Variants in FHIP1A observed in about 807,000 individuals in gnomAD.
FHIP1A encodes the protein FHF complex subunit HOOK interacting protein 1A.
In FHIP1A, 61 loss-of-function variants were observed where a neutral mutation model predicts 88.6. The ratio of observed to expected loss-of-function variants is 0.69; its 90% CI spans 0.56 to 0.85. The LOEUF is 0.85. FHIP1A is among the 40% of genes least tolerant of loss of function. The pLI is 0.00. For synonymous variants in FHIP1A, 478 were observed against 496.0 expected (o/e 0.96, Z 0.48); for missense variants, 1,154 against 1,273.5 (o/e 0.91, Z 1.43).
chr4:151,516,786 C>A (rs77617653), intron 3 of FHIP1A, among the ~76,000 whole-genome samples: 77,599 of 150,122 alleles, frequency 0.52, 20,394 homozygotes, highest in African/African-American at 0.55. Context: ...GGCAATCATT[C>A]AAAAGTCAGG....
At chr4:151,445,874 T>TATATATATATATATATATATATATATA (rs1728582517) in intron 1 of FHIP1A, among the ~76,000 whole-genome samples, 1 of 66,882 alleles carries the variant, frequency 1.5e-5, no homozygotes, top group East Asian at 3.7e-4. Flanking sequence ...ATATATATAT[T>TATATATATATATATATATATATATATA]TCATATGATA....
intron 9 of FHIP1A, among the ~76,000 whole-genome samples, chr4:151,644,225 A>C (rs1578855159): frequency 1.3e-5 from 2 of 152,274 alleles, no homozygotes; most frequent in East Asian, 1.9e-4. Context: ...TACAGGACAG[A>C]TTTTCCCAGC....
intron 3 of FHIP1A, among the ~76,000 whole-genome samples, chr4:151,524,721 A>C (rs756923880): frequency 6.6e-6 from 1 of 152,248 alleles, no homozygotes; most frequent in Non-Finnish European, 1.5e-5. Context: ...AGCAGTTGGA[A>C]ACCATTGTAG....
rs34699507 is a variant in FHIP1A at position 151,429,848 on chromosome 4, C to CAA, written c.-356+20405_-356+20406dup. On this transcript the variant is annotated intron_variant, in intron 1 of 13. Coordinates refer to ENST00000435205, the MANE Select transcript of FHIP1A (RefSeq NM_001109977.3). Reference sequence around the variant, plus strand: ...TGGGCGACAGAGTGAGACTCTATCTCAAAAAAAAAAAAAAAAAAAAAAATC... The same window carrying CAA: ...TGGGCGACAGAGTGAGACTCTATCTCAAAAAAAAAAAAAAAAAAAAAAAAATC... Among the ~76,000 whole-genome samples the CAA allele has an allele frequency of 2.4e-3, 258 of 105,404 alleles. 1 individual carries two copies. The highest frequency in any genetic ancestry group is 5.6e-3 in the African/African-American group (161 of 28,892). The allele number at this position is 105,404 out of a possible 152,430, so 69.1% of individuals were successfully genotyped here. A position where few individuals can be genotyped will look rare whatever the true frequency, so the allele number is the denominator to read the frequency against.
chr4:151,418,923 C>G (rs1733006215), intron 1 of FHIP1A, among the ~76,000 whole-genome samples: 1 of 152,084 alleles, frequency 6.6e-6, no homozygotes, highest in Non-Finnish European at 1.5e-5. Flanking sequence ...TTTTCTTGCT[C>G]TAATCTATTT....
chr4:151,459,255 A>C (rs1248205574), intron 2 of FHIP1A, among the ~76,000 whole-genome samples: 2 of 152,182 alleles, frequency 1.3e-5, no homozygotes, highest in Non-Finnish European at 2.9e-5. Context: ...AAAAAAGTGA[A>C]TATACTACAA....
rs183495654 is a variant in FHIP1A at position 151,544,722 on chromosome 4, A to T, written c.-122-21416A>T. ...CCCCTCTTCTGCCATGGTATTGAGA[A>T]AAGGAAATCCATGGAAGCTGGCTCA... On this transcript the variant is annotated intron_variant, in intron 3 of 13. Transcript: ENST00000435205. Among the ~76,000 whole-genome samples, 7 of 152,286 alleles carry T rather than the reference A, an allele frequency of 4.6e-5. No individual in the cohort carries two copies. The East Asian group carries it at 1.4e-3, about 29-fold the overall frequency.
intron 8 of FHIP1A, 61 bp downstream of exon 8, chr4:151,629,930 T>G (rs1355029741): frequency 7.5e-7 from 1 of 1,324,852 alleles, no homozygotes; most frequent in Non-Finnish European, 1.0e-6. Flanking sequence ...GAGAGTTTTT[T>G]TTTGGGAATG....
intron 7 of FHIP1A, among the ~76,000 whole-genome samples, chr4:151,609,165 T>C (rs1439011258): frequency 6.6e-6 from 1 of 152,202 alleles, no homozygotes; most frequent in Non-Finnish European, 1.5e-5. Flanking sequence ...CACTCAGTGA[T>C]GTCATGTATA....
intron 7 of FHIP1A, among the ~76,000 whole-genome samples, chr4:151,628,021 G>A (rs1025598085): frequency 4.6e-5 from 7 of 152,028 alleles, no homozygotes; most frequent in Non-Finnish European, 1.0e-4. Flanking sequence ...CAGAAGCAGG[G>A]GCAGACCATG....
At chr4:151,598,933 G>A (rs1358175299) in intron 7 of FHIP1A, among the ~76,000 whole-genome samples, 1 of 152,142 alleles carries the variant, frequency 6.6e-6, no homozygotes, top group East Asian at 1.9e-4. Context: ...TGTATGTTGT[G>A]TAGAAAAAAC....
rs1013409534 is a variant in FHIP1A at position 151,664,023 on chromosome 4, A to G, written c.*1269A>G. On this transcript the variant is annotated 3_prime_UTR_variant, in exon 14 of 14. Transcript: ENST00000435205. ...ACCACCACCAAGAGGGGAAAACAGA[A>G]TAATTGTGAGCTGAAAATGAGACCA... Among the ~76,000 whole-genome samples, 2 of 152,220 alleles carry G rather than the reference A, an allele frequency of 1.3e-5. No individual in the cohort carries two copies. Among genetic ancestry groups the G allele is most frequent in the Admixed American group, 6.5e-5 (1 of 15,276 alleles).
intron 3 of FHIP1A, among the ~76,000 whole-genome samples, chr4:151,497,060 G>A (rs1730490067): frequency 1.3e-5 from 2 of 152,154 alleles, no homozygotes; most frequent in South Asian, 2.1e-4. Context: ...GCAAGGTTTA[G>A]ATTATGTTTA....
intron 3 of FHIP1A, among the ~76,000 whole-genome samples, chr4:151,517,971 G>A (rs1430936252): frequency 6.6e-6 from 1 of 152,076 alleles, no homozygotes; most frequent in African/African-American, 2.4e-5. Flanking sequence ...GTAAGCTAAG[G>A]TTAATTTATT....
chr4:151,515,255 C>CA (rs1357599771), intron 3 of FHIP1A, among the ~76,000 whole-genome samples: 1 of 35,974 alleles, frequency 2.8e-5, no homozygotes, highest in Non-Finnish European at 7.0e-5. Flanking sequence ...AATTCAACAA[C>CA]CTTCATGCTA....
chr4:151,468,467 G>A (rs1404437605), intron 2 of FHIP1A, among the ~76,000 whole-genome samples: 1 of 152,066 alleles, frequency 6.6e-6, no homozygotes, highest in Non-Finnish European at 1.5e-5. Context: ...GGCTGGCCTG[G>A]GGTGCCTTAA....
At chr4:151,465,711 G>A (rs1172035259) in intron 2 of FHIP1A, among the ~76,000 whole-genome samples, 9 of 152,260 alleles carry the variant, frequency 5.9e-5, no homozygotes, top group Admixed American at 5.9e-4. Flanking sequence ...ATGCAAAGCT[G>A]GTTCAACAAA....
intron 7 of FHIP1A, among the ~76,000 whole-genome samples, chr4:151,600,279 A>G (rs936158405): frequency 2.0e-5 from 3 of 152,234 alleles, no homozygotes; most frequent in Non-Finnish European, 2.9e-5. Context: ...AGTAACACAT[A>G]TCATTTCTAT....
chr4:151,423,991 A>G (rs971313917), intron 1 of FHIP1A, among the ~76,000 whole-genome samples: 7 of 152,214 alleles, frequency 4.6e-5, no homozygotes, highest in Non-Finnish European at 7.3e-5. Context: ...TTACATGGCT[A>G]AAGTGTGGGA....
Sources: gnomAD v4.1 joint callset for allele counts (sites outside exome capture counted in the v4.1 genomes callset) on GRCh38, gnomAD v4.1.1 for gene constraint, MANE v1.5 for transcripts, NCBI Gene and HGNC (gene_info 2026-07-23, HGNC 2026-07-21) for gene names.